The following AKAP6 variants were observed in gnomAD, a reference collection of about 807,000 sequenced individuals.
AKAP6 encodes A-kinase anchor protein 6.
A neutral mutation model predicts 188.5 loss-of-function variants in AKAP6; 58 were observed. The ratio of observed to expected loss-of-function variants is 0.31; its 90% CI spans 0.25 to 0.38. AKAP6 has a LOEUF of 0.38. AKAP6 is among the 10% of genes least tolerant of loss of function. AKAP6 has a pLI of 1.00. For synonymous variants in AKAP6, 989 were observed against 998.6 expected (o/e 0.99, Z 0.18); for missense variants, 2,710 against 2,740.0 (o/e 0.99, Z 0.24).
At chr14:32,583,485 C>T (rs1431031970) in intron 5 of AKAP6, among the ~76,000 whole-genome samples, 1 of 151,410 alleles carries the variant, frequency 6.6e-6, no homozygotes, top group African/African-American at 2.4e-5. Flanking sequence ...CTCAGATCTC[C>T]ACCACTGCTC....
At position 32,762,733 on chromosome 14, in the gene AKAP6, C is replaced by A. The variant is rs552937630; in HGVS notation, c.3373-10945C>A. ...ATGTTTGTAAAAGAATGATTCTTTT[C>A]CCTTGATGTATCTATTCATCCAAGG... On this transcript the variant is annotated intron_variant, in intron 11 of 13. Transcript: ENST00000280979. Among the ~76,000 whole-genome samples the A allele has an allele frequency of 6.6e-5, 10 of 152,106 alleles. No individual in the cohort carries two copies. In the South Asian group the frequency reaches 2.1e-3, roughly 32 times the overall value.
At chr14:32,539,545 G>A (rs1882828965) in intron 3 of AKAP6, among the ~76,000 whole-genome samples, 1 of 152,110 alleles carries the variant, frequency 6.6e-6, no homozygotes, top group African/African-American at 2.4e-5. Flanking sequence ...AAATAATACA[G>A]ATAATCCCTG....
chr14:32,636,065 G>A (rs1887473318), intron 7 of AKAP6, among the ~76,000 whole-genome samples: 1 of 152,050 alleles, frequency 6.6e-6, no homozygotes, highest in South Asian at 2.1e-4. Context: ...ATTTTGCCCA[G>A]AAATGTTTTG....
intron 4 of AKAP6, among the ~76,000 whole-genome samples, chr14:32,552,138 A>G (rs986270587): frequency 6.6e-6 from 1 of 152,210 alleles, no homozygotes; most frequent in East Asian, 1.9e-4. Flanking sequence ...CTCGATAAAG[A>G]CTACTGAATG....
intron 7 of AKAP6, among the ~76,000 whole-genome samples, chr14:32,601,280 G>A (rs117683844): frequency 1.1e-3 from 167 of 152,240 alleles, no homozygotes; most frequent in Non-Finnish European, 1.8e-3. Context: ...ATTAGGGGAT[G>A]GTCATTGTAG....
chr14:32,544,061 A>G (rs1253622371), intron 3 of AKAP6, among the ~76,000 whole-genome samples: 1 of 152,192 alleles, frequency 6.6e-6, no homozygotes, highest in Non-Finnish European at 1.5e-5. Flanking sequence ...AAAACAAACA[A>G]ATGAGCAGTA....
chr14:32,406,707 CAAAGT>C (rs1396785310), intron 1 of AKAP6, among the ~76,000 whole-genome samples: 8 of 151,990 alleles, frequency 5.3e-5, no homozygotes, highest in African/African-American at 1.9e-4. Flanking sequence ...CTGGGCACAG[CAAAGT>C]AAAGTAGAAA....
rs1390150234 is a variant in AKAP6 at position 32,535,561 on chromosome 14, G to A, written c.332G>A (p.Cys111Tyr). The change falls in exon 3 of 14, where the codon TGT becomes TAT. Residue 111 changes from cysteine (C) to tyrosine (Y), a missense_variant. Cys to Tyr is a radical substitution (Grantham distance 194). Coordinates refer to ENST00000280979, the MANE Select transcript of AKAP6 (RefSeq NM_004274.5). ...TGCTTTTCTTTACTGCAGGACATTT[G>A]TGAAGATATTTCTGATCATGTTGAG... ...DVHLVQLKDI[C>Y]EDISDHVEQI... 1.2e-6 allele frequency: 2 copies of A among 1,612,670 alleles called. No homozygotes were observed. Among genetic ancestry groups the A allele is most frequent in the Non-Finnish European group, 8.5e-7 (1 of 1,178,874 alleles).
intron 3 of AKAP6, 71 bp from the exon 4 acceptor site, chr14:32,545,159 T>A: frequency 6.9e-7 from 1 of 1,452,424 alleles, no homozygotes; most frequent in Non-Finnish European, 9.5e-7. Flanking sequence ...GTACTGCAAT[T>A]TCATTTACAT....
At chr14:32,433,346 TCTTAATTTAGAAATCTGG>T in intron 1 of AKAP6, 96 bp from the exon 2 acceptor site, 3 of 757,940 alleles carry the variant, frequency 4.0e-6, no homozygotes, top group Non-Finnish European at 6.3e-6. Context: ...AGCTATGGTT[TCTTAATTTAGAAATCTGG>T]CTTAATTTAG....
At chr14:32,473,847 GC>G (rs1878912612) in intron 2 of AKAP6, 1 of 152,248 alleles carries the variant, frequency 6.6e-6, no homozygotes, top group Non-Finnish European at 1.5e-5. Context: ...ACCTCATACA[GC>G]TGGGTCATGG....
chr14:32,628,284 G>T (rs770486193), intron 7 of AKAP6, among the ~76,000 whole-genome samples: 5 of 152,054 alleles, frequency 3.3e-5, no homozygotes, highest in Non-Finnish European at 5.9e-5. Flanking sequence ...ACTTTTTATT[G>T]AAGTTTTTAT....
chr14:32,388,813 A>G (rs1158450944), intron 1 of AKAP6, among the ~76,000 whole-genome samples: 2 of 152,164 alleles, frequency 1.3e-5, no homozygotes, highest in African/African-American at 4.8e-5. Context: ...ACTGTTGAAT[A>G]GAATGTATAT....
At chr14:32,372,734 G>T (rs1230046193) in intron 1 of AKAP6, among the ~76,000 whole-genome samples, 1 of 150,654 alleles carries the variant, frequency 6.6e-6, no homozygotes, top group Admixed American at 6.6e-5. Flanking sequence ...AGAATGAATG[G>T]TATATTCAGT....
intron 7 of AKAP6, among the ~76,000 whole-genome samples, chr14:32,620,901 A>T (rs1452064363): frequency 6.6e-6 from 1 of 151,824 alleles, no homozygotes; most frequent in East Asian, 1.9e-4. Context: ...GGAGGGTCAT[A>T]AGTTCCCTGG....
chr14:32,751,056 C>G (rs751710557), intron 11 of AKAP6, among the ~76,000 whole-genome samples: 19 of 152,144 alleles, frequency 1.2e-4, no homozygotes, highest in Non-Finnish European at 2.2e-4. Context: ...ATACTGCACT[C>G]TAGCCTGGGC....
intron 1 of AKAP6, among the ~76,000 whole-genome samples, chr14:32,362,187 T>A (rs1887686450): frequency 2.0e-5 from 3 of 152,276 alleles, no homozygotes; most frequent in Admixed American, 2.0e-4. Context: ...GTTTTATATT[T>A]AATTTTTGCA....
intron 1 of AKAP6, among the ~76,000 whole-genome samples, chr14:32,409,141 A>G (rs1221464962): frequency 2.0e-5 from 3 of 152,168 alleles, no homozygotes; most frequent in African/African-American, 7.2e-5. Flanking sequence ...TGGAGGTTGC[A>G]GTGAGCCAAG....
In AKAP6 at chr14:32,584,320, G is replaced by A. The variant is rs923877867; in HGVS notation, c.2469+7078G>A. ...ACAGCATAGAGATGCTGGGCAGAGGGATGATTCACGCCCCAGGTGGGACAC... is the reference window on the plus strand; with the variant it reads ...ACAGCATAGAGATGCTGGGCAGAGGAATGATTCACGCCCCAGGTGGGACAC... On this transcript the variant is annotated intron_variant, in intron 5 of 13. Coordinates refer to ENST00000280979, the MANE Select transcript of AKAP6 (RefSeq NM_004274.5). Among the ~76,000 whole-genome samples the A allele has an allele frequency of 3.3e-5, 5 of 152,160 alleles. 1 individual carries two copies. Among genetic ancestry groups the A allele is most frequent in the Non-Finnish European group, 5.9e-5 (4 of 68,036 alleles).
Sources: gnomAD v4.1 joint callset for allele counts (sites outside exome capture counted in the v4.1 genomes callset) on GRCh38, gnomAD v4.1.1 for gene constraint, MANE v1.5 for transcripts, NCBI Gene and HGNC (gene_info 2026-07-23, HGNC 2026-07-21) for gene names.